The following DIS3L2 variants were observed in gnomAD, a reference collection of about 807,000 sequenced individuals.
DIS3L2 encodes DIS3-like exonuclease 2.
DIS3L2 carries 34 observed loss-of-function variants against 97.5 expected under a neutral mutation model. The ratio of observed to expected loss-of-function variants is 0.35; its 90% CI spans 0.27 to 0.46. The LOEUF is 0.46. DIS3L2 is among the 20% of genes least tolerant of loss of function. The probability of loss-of-function intolerance (pLI) is 1.00; values close to 1 mark genes in which losing one functional copy is unlikely to be tolerated. For synonymous variants in DIS3L2, 435 were observed against 445.2 expected, an observed-to-expected ratio of 0.98 and a Z score of 0.29; for missense variants, 1,038 against 1,146.0, an observed-to-expected ratio of 0.91 and a Z score of 1.36.
chr2:232,255,915 T>C (rs936745695), intron 12 of DIS3L2, among the ~76,000 whole-genome samples: 1 of 152,204 alleles, frequency 6.6e-6, no homozygotes, highest in Non-Finnish European at 1.5e-5. Flanking sequence ...CTGCTTTGCT[T>C]TCTGAATGCC....
At chr2:232,087,018 C>T (rs1437381104) in intron 5 of DIS3L2, among the ~76,000 whole-genome samples, 1 of 152,044 alleles carries the variant, frequency 6.6e-6, no homozygotes, top group Non-Finnish European at 1.5e-5. Flanking sequence ...ATTTTATAAA[C>T]TCTTGTTCAC....
At chr2:232,082,818 C>T (rs770718751) in intron 5 of DIS3L2, among the ~76,000 whole-genome samples, 3 of 152,182 alleles carry the variant, frequency 2.0e-5, no homozygotes, top group Non-Finnish European at 2.9e-5. Flanking sequence ...CACTGATCTT[C>T]TGTATTAGTC....
At chr2:232,124,297 A>C (rs1401676809) in intron 6 of DIS3L2, among the ~76,000 whole-genome samples, 1 of 152,214 alleles carries the variant, frequency 6.6e-6, no homozygotes, top group Admixed American at 6.5e-5. Flanking sequence ...GTTTAAAGAA[A>C]TAAAAGATAA....
intron 14 of DIS3L2, among the ~76,000 whole-genome samples, chr2:232,318,636 G>A (rs1695343389): frequency 1.3e-5 from 2 of 152,308 alleles, no homozygotes; most frequent in East Asian, 3.9e-4. Flanking sequence ...AGGGTGCTGG[G>A]TGCTGTTGCC....
chr2:232,081,641 A>G (rs1401657957), intron 5 of DIS3L2, among the ~76,000 whole-genome samples: 1 of 152,210 alleles, frequency 6.6e-6, no homozygotes, highest in Non-Finnish European at 1.5e-5. Context: ...AAGCCCCTTT[A>G]TGATACTTCC....
chr2:232,053,957 C>G (rs10203393), intron 5 of DIS3L2, among the ~76,000 whole-genome samples: 16,308 of 152,166 alleles, frequency 0.11, 2,051 homozygotes, highest in African/African-American at 0.3. Context: ...TTCCAACCCT[C>G]TAATCACATG....
intron 13 of DIS3L2, among the ~76,000 whole-genome samples, chr2:232,270,581 A>G (rs537099738): frequency 1.3e-5 from 2 of 152,270 alleles, no homozygotes; most frequent in Non-Finnish European, 2.9e-5. Flanking sequence ...TGGTACTACA[A>G]ATAATAGTAC....
At chr2:232,224,031 G>A (rs796355005) in intron 10 of DIS3L2, among the ~76,000 whole-genome samples, 38 of 152,268 alleles carry the variant, frequency 2.5e-4, no homozygotes, top group African/African-American at 7.9e-4. Context: ...TCAAGGCTGC[G>A]GTGAGCCATG....
At chr2:232,160,029 T>G (rs1315524678) in intron 8 of DIS3L2, among the ~76,000 whole-genome samples, 3 of 152,232 alleles carry the variant, frequency 2.0e-5, no homozygotes, top group Admixed American at 2.0e-4. Context: ...AATTTTCTTT[T>G]TCAATAACTG....
chr2:232,221,930 G>C (rs377066727), intron 10 of DIS3L2, among the ~76,000 whole-genome samples: 1 of 151,886 alleles, frequency 6.6e-6, no homozygotes, highest in African/African-American at 2.4e-5. Flanking sequence ...TCTTCCATGC[G>C]AAGTCATTTC....
intron 6 of DIS3L2, among the ~76,000 whole-genome samples, chr2:232,120,090 G>A (rs1697851954): frequency 6.6e-6 from 1 of 152,130 alleles, no homozygotes; most frequent in Non-Finnish European, 1.5e-5. Context: ...TCTACCATAA[G>A]ATGTAGAACC....
At chr2:232,115,095 A>C (rs1337275364) in intron 6 of DIS3L2, among the ~76,000 whole-genome samples, 49 of 152,078 alleles carry the variant, frequency 3.2e-4, no homozygotes. Flanking sequence ...TAATCCATTC[A>C]TGAGAGCAGA....
chr2:231,975,258 C>T (rs1039991264), intron 1 of DIS3L2, among the ~76,000 whole-genome samples: 1 of 152,080 alleles, frequency 6.6e-6, no homozygotes, highest in African/African-American at 2.4e-5. Context: ...AATGAGGTCA[C>T]TAGCATGAAG....
chr2:232,263,410 C>T lies in DIS3L2; in HGVS notation c.1629C>T (p.Arg543=), dbSNP rs1160967781. The change falls in exon 13 of 21, where the codon CGC becomes CGT. Residue 543 remains arginine (R), a synonymous_variant. Coordinates refer to ENST00000325385, the MANE Select transcript of DIS3L2 (RefSeq NM_152383.5). The part of the protein sequence containing the change: ...HGIAKQLRQQ[R]FVDGALRLDQ... ...TTGCCAAGCAGTTACGCCAGCAGCG[C>T]TTTGTGGACGGCGCACTTCGTTTGG... The T allele has an allele frequency of 6.8e-6, 11 of 1,614,098 alleles. No individual in the cohort carries two copies. Among genetic ancestry groups the T allele is most frequent in the East Asian group, 2.2e-5 (1 of 44,884 alleles).
chr2:232,336,367 C>G, intron 20 of DIS3L2, 102 bp from the exon 21 acceptor site: 2 of 1,548,660 alleles, frequency 1.3e-6, no homozygotes, highest in Non-Finnish European at 1.7e-6. Flanking sequence ...CTTCCAGAGG[C>G]CGAAGGAGGG....
At chr2:232,077,076 C>T (rs1696212896) in intron 5 of DIS3L2, among the ~76,000 whole-genome samples, 2 of 152,102 alleles carry the variant, frequency 1.3e-5, no homozygotes, top group South Asian at 4.1e-4. Context: ...AGTTCTGTTC[C>T]TTTAAGTGGA....
intron 9 of DIS3L2, among the ~76,000 whole-genome samples, chr2:232,208,268 T>C (rs1692086317): frequency 1.3e-5 from 2 of 152,080 alleles, no homozygotes; most frequent in African/African-American, 4.8e-5. Flanking sequence ...TCCTCTCCTC[T>C]TCTTCTCCTC....
At chr2:232,155,799 G>T (rs1160904844) in intron 8 of DIS3L2, among the ~76,000 whole-genome samples, 1 of 151,882 alleles carries the variant, frequency 6.6e-6, no homozygotes, top group Non-Finnish European at 1.5e-5. Context: ...GACTATCCTG[G>T]CTAACATGGT....
At chr2:232,013,914 A>G (rs900786783) in intron 1 of DIS3L2, among the ~76,000 whole-genome samples, 3 of 152,144 alleles carry the variant, frequency 2.0e-5, no homozygotes, top group South Asian at 2.1e-4. Flanking sequence ...ATTAATTTCA[A>G]TTTAAAGAGA....
Sources: gnomAD v4.1 joint callset for allele counts (sites outside exome capture counted in the v4.1 genomes callset) on GRCh38, gnomAD v4.1.1 for gene constraint, MANE v1.5 for transcripts, NCBI Gene and HGNC (gene_info 2026-07-23, HGNC 2026-07-21) for gene names.